RABGAP1L: variants seen among roughly 807,000 people sequenced by gnomAD.
RABGAP1L encodes the protein rab GTPase-activating protein 1-like.
RABGAP1L carries 63 observed loss-of-function variants against 137.7 expected under a neutral mutation model. The observed-to-expected ratio is 0.46, with a 90% CI of 0.37 to 0.56. The LOEUF (loss-of-function observed/expected upper bound fraction) is 0.56, where lower values mean the gene tolerates loss of function less well. Ranked by LOEUF, RABGAP1L falls within the 20% of genes least tolerant of loss-of-function variation. The pLI is 0.00. For synonymous variants in RABGAP1L, 431 were observed against 433.7 expected (o/e 0.99, Z 0.08); for missense variants, 1,095 against 1,244.0 (o/e 0.88, Z 1.80).
At position 174,719,686 on chromosome 1, in the gene RABGAP1L, A is replaced by G. The variant is rs529411940; in HGVS notation, c.2169+17430A>G. ...TGAGGACTGGGATGAACTGCAGAGTACATATTCACGTAAAGGAACTCAAAT... is the reference window on the plus strand; with the variant it reads ...TGAGGACTGGGATGAACTGCAGAGTGCATATTCACGTAAAGGAACTCAAAT... On this transcript the variant is annotated intron_variant, in intron 17 of 25. Coordinates refer to ENST00000681986, the MANE Select transcript of RABGAP1L (RefSeq NM_001366446.1). 3.3e-5 allele frequency among the ~76,000 whole-genome samples: 5 copies of G among 152,342 alleles called. No individual in the cohort carries two copies. The East Asian group carries it at 9.6e-4, about 29-fold the overall frequency.
rs1685249654 is a variant in RABGAP1L, at chr1:174,761,833, AGATGAG to A, written c.2211+9481_2211+9486del. 2.0e-5 allele frequency among the ~76,000 whole-genome samples: 3 copies of A among 152,216 alleles called. No individual in the cohort carries two copies. The highest frequency in any genetic ancestry group is 7.2e-5 in the African/African-American group (3 of 41,456). ...TGGGAATTGTGGGAGTTAGAATTCA[AGATGAG>A]GTTTGGGTGGGGACACAGCCAAACC... On this transcript the variant is annotated intron_variant, in intron 18 of 25. Transcript: ENST00000681986. The surrounding 1 kb of genome is among the most constrained non-coding windows in gnomAD (Gnocchi z 4.0).
Position 174,894,741 on chromosome 1 carries a change from G to GTTTGT in RABGAP1L, c.2341-62695_2341-62691dup, listed in dbSNP as rs145077094. Among the ~76,000 whole-genome samples, 88 of 151,150 alleles carry GTTTGT rather than the reference G, an allele frequency of 5.8e-4. 1 individual carries two copies. The East Asian group carries it at 7.6e-3, about 13-fold the overall frequency. Reference sequence around the variant, plus strand: ...GTTGGGTTTTTTGTTGTTTTTGTTTGTTTGTTTTGTTTTGTTTTGTTTTGT... The same window carrying GTTTGT: ...GTTGGGTTTTTTGTTGTTTTTGTTTGTTTGTTTTGTTTTGTTTTGTTTTGTTTTGT... On this transcript the variant is annotated intron_variant, in intron 19 of 25. Coordinates refer to ENST00000681986, the MANE Select transcript of RABGAP1L (RefSeq NM_001366446.1).
intron 19 of RABGAP1L, among the ~76,000 whole-genome samples, chr1:174,941,240 G>A (rs559188910): frequency 5.4e-5 from 8 of 149,024 alleles, no homozygotes; most frequent in Middle Eastern, 6.8e-3. Flanking sequence ...AGTCTACACA[G>A]CGTGTTAGTT....
At chr1:174,270,378 G>A (rs1674450782) in intron 7 of RABGAP1L, among the ~76,000 whole-genome samples, 1 of 152,086 alleles carries the variant, frequency 6.6e-6, no homozygotes, top group African/African-American at 2.4e-5. Flanking sequence ...ACCTGGAAGT[G>A]CTTGAGAAAC....
At chr1:174,561,403 G>T (rs1667201900) in intron 13 of RABGAP1L, among the ~76,000 whole-genome samples, 1 of 152,154 alleles carries the variant, frequency 6.6e-6, no homozygotes, top group South Asian at 2.1e-4. Flanking sequence ...TGGATAGGAA[G>T]AATCAGTATC....
intron 14 of RABGAP1L, among the ~76,000 whole-genome samples, chr1:174,662,353 C>G (rs570949102): frequency 6.6e-6 from 1 of 152,264 alleles, no homozygotes; most frequent in South Asian, 2.1e-4. Flanking sequence ...ATCCATCCGC[C>G]TTGGCCTCCC....
At chr1:174,549,631 A>T (rs532234997) in intron 13 of RABGAP1L, among the ~76,000 whole-genome samples, 2 of 152,184 alleles carry the variant, frequency 1.3e-5, no homozygotes, top group Non-Finnish European at 2.9e-5. Context: ...TGAAGAAGTA[A>T]AACTATTGAA....
chr1:174,429,122 C>A (rs1652297785), intron 13 of RABGAP1L, among the ~76,000 whole-genome samples: 1 of 151,920 alleles, frequency 6.6e-6, no homozygotes, highest in African/African-American at 2.4e-5. Context: ...TGCTGGTAAG[C>A]ATGGAGTAGA....
intron 13 of RABGAP1L, among the ~76,000 whole-genome samples, chr1:174,436,749 T>A (rs563986856): frequency 5.0e-4 from 76 of 152,272 alleles, no homozygotes; most frequent in Admixed American, 8.5e-4. Context: ...GCTTGAGATC[T>A]CAGAATGGGC....
At chr1:174,403,974 G>C (rs1648952909) in intron 13 of RABGAP1L, among the ~76,000 whole-genome samples, 2 of 152,052 alleles carry the variant, frequency 1.3e-5, no homozygotes. Context: ...ATCAAGACTA[G>C]AAGGCAGGTA....
intron 13 of RABGAP1L, among the ~76,000 whole-genome samples, chr1:174,510,466 G>A (rs1662229229): frequency 6.6e-6 from 1 of 152,136 alleles, no homozygotes; most frequent in African/African-American, 2.4e-5. Context: ...TTCTGACTTT[G>A]GGTTCTGAGC....
At chr1:174,734,832 C>A (rs1682795504) in intron 17 of RABGAP1L, among the ~76,000 whole-genome samples, 2 of 151,858 alleles carry the variant, frequency 1.3e-5, no homozygotes, top group Admixed American at 1.3e-4. Context: ...TATTTATATG[C>A]CTAAAATTCT....
intron 10 of RABGAP1L, among the ~76,000 whole-genome samples, chr1:174,295,686 T>C (rs1250692240): frequency 1.3e-5 from 2 of 150,118 alleles, no homozygotes; most frequent in African/African-American, 4.9e-5. Context: ...AGCCAGCCTT[T>C]TTTTTTTTTT....
At chr1:174,471,757 G>T (rs1208641112) in intron 13 of RABGAP1L, among the ~76,000 whole-genome samples, 1 of 152,166 alleles carries the variant, frequency 6.6e-6, no homozygotes, top group Non-Finnish European at 1.5e-5. Flanking sequence ...ATTTATTTCA[G>T]GAGTCAGACC....
At position 174,365,076 on chromosome 1, in the gene RABGAP1L, A is replaced by G. The variant is rs541164488; in HGVS notation, c.1466-5903A>G. The stretch of plus-strand genomic sequence containing the variant: ...AAGAAGGAGACACTTTCATGCTGGG[A>G]GCTTCACTGCCTGGAGTTGGGGGAG... On this transcript the variant is annotated intron_variant, in intron 11 of 25. Coordinates refer to ENST00000681986, the MANE Select transcript of RABGAP1L (RefSeq NM_001366446.1). Among the ~76,000 whole-genome samples the G allele has an allele frequency of 4.6e-5, 7 of 152,208 alleles. No homozygotes were observed. The East Asian group carries it at 9.6e-4, about 21-fold the overall frequency.
At chr1:174,327,986 C>T (rs12119782) in intron 11 of RABGAP1L, among the ~76,000 whole-genome samples, 6,286 of 52,504 alleles carry the variant, frequency 0.12, 436 homozygotes, top group African/African-American at 0.34. Flanking sequence ...TATACACACA[C>T]ATATATATAT....
At chr1:174,213,074 A>G (rs568642269) in intron 1 of RABGAP1L, among the ~76,000 whole-genome samples, 2 of 152,292 alleles carry the variant, frequency 1.3e-5, no homozygotes, top group South Asian at 4.1e-4. Context: ...AAAGCCTGGG[A>G]CCTGATGGCT....
At chr1:174,799,634 G>A (rs1435131576) in intron 18 of RABGAP1L, among the ~76,000 whole-genome samples, 2 of 151,978 alleles carry the variant, frequency 1.3e-5, no homozygotes, top group East Asian at 3.9e-4. Flanking sequence ...TCTGTCCAAT[G>A]GCTCGCCATT....
At chr1:174,879,077 G>A (rs1454951206) in intron 19 of RABGAP1L, among the ~76,000 whole-genome samples, 1 of 150,390 alleles carries the variant, frequency 6.6e-6, no homozygotes, top group Non-Finnish European at 1.5e-5. Context: ...TGGGACTACA[G>A]GCACCTGCCA....
Sources: allele counts gnomAD v4.1 joint callset (sites outside exome capture counted in the v4.1 genomes callset), GRCh38; gene constraint gnomAD v4.1.1; non-coding constraint Gnocchi (gnomAD v3.1); transcripts MANE v1.5; gene names NCBI Gene and HGNC (gene_info 2026-07-23, HGNC 2026-07-21).